Variants in C1GALT1 observed in about 807,000 individuals in gnomAD.
The protein encoded by C1GALT1 is glycoprotein-N-acetylgalactosamine 3-beta-galactosyltransferase 1.
Under a neutral mutation model 31.0 loss-of-function variants are expected in C1GALT1, and 11 were observed. That is an observed-to-expected ratio of 0.36 (90% CI 0.22 to 0.59). The LOEUF (loss-of-function observed/expected upper bound fraction) is 0.59. Ranked by LOEUF, C1GALT1 falls within the 20% of genes least tolerant of loss-of-function variation. C1GALT1 has a pLI of 0.79. For missense variants in C1GALT1, 424 were observed against 425.2 expected (o/e 1.00, Z 0.03); for synonymous variants, 175 against 143.6 (o/e 1.22, Z -1.56).
intron 1 of C1GALT1, among the ~76,000 whole-genome samples, chr7:7,187,420 C>CT (rs11402803): frequency 0.16 from 23,925 of 145,646 alleles, 2,154 homozygotes; most frequent in East Asian, 0.37. Flanking sequence ...CAGCTAATTT[C>CT]TTTTTTTTTT....
chr7:7,193,082 A>C (rs1446369288), intron 1 of C1GALT1, among the ~76,000 whole-genome samples: 2 of 152,044 alleles, frequency 1.3e-5, no homozygotes, highest in Non-Finnish European at 2.9e-5. Context: ...ATAGTTTACC[A>C]AGATTTTCTC....
At chr7:7,182,162 A>G (rs1780609100), upstream of C1GALT1, among the ~76,000 whole-genome samples, 1 of 152,150 alleles carries the variant, frequency 6.6e-6, no homozygotes, top group African/African-American at 2.4e-5. Flanking sequence ...GAGAACAGAA[A>G]AACAAATGAA....
intron 1 of C1GALT1, among the ~76,000 whole-genome samples, chr7:7,222,906 T>TTTTG (rs559082748): frequency 1.1e-5 from 1 of 95,192 alleles, no homozygotes; most frequent in African/African-American, 7.2e-5. Context: ...GTGAGTTTTT[T>TTTTG]TTTGGTTTTA....
chr7:7,194,507 C>T (rs768673861), intron 1 of C1GALT1, among the ~76,000 whole-genome samples: 6 of 151,756 alleles, frequency 4.0e-5, no homozygotes, highest in East Asian at 3.9e-4. Context: ...CATCCCTGCA[C>T]GCCTGGCATG....
intron 2 of C1GALT1, among the ~76,000 whole-genome samples, chr7:7,236,890 G>GTA (rs1301830517): frequency 1.3e-5 from 2 of 152,134 alleles, no homozygotes; most frequent in African/African-American, 2.4e-5. Flanking sequence ...TGGTTAACTA[G>GTA]TATATTATAT....
intron 1 of C1GALT1, among the ~76,000 whole-genome samples, chr7:7,201,345 A>G (rs1053290938): frequency 6.6e-5 from 10 of 152,130 alleles, no homozygotes; most frequent in Non-Finnish European, 1.3e-4. Context: ...AGATGTTGCT[A>G]CCCGATCTTT....
chr7:7,242,228 T>TA (rs1491132181), intron 3 of C1GALT1, among the ~76,000 whole-genome samples: 117 of 141,264 alleles, frequency 8.3e-4, no homozygotes, highest in South Asian at 1.7e-3. Context: ...TTTTTTTTTT[T>TA]ACATTTTTTA....
intron 1 of C1GALT1, among the ~76,000 whole-genome samples, chr7:7,216,061 G>A (rs1782225585): frequency 6.6e-6 from 1 of 151,874 alleles, no homozygotes; most frequent in Middle Eastern, 3.2e-3. Flanking sequence ...ATCTTACAAC[G>A]CTTGCAGAGG....
intron 1 of C1GALT1, among the ~76,000 whole-genome samples, chr7:7,222,077 G>T (rs1782535282): frequency 6.6e-6 from 1 of 152,108 alleles, no homozygotes; most frequent in Non-Finnish European, 1.5e-5. Flanking sequence ...TCCCTACAAG[G>T]TTTTCCATAG....
intron 1 of C1GALT1, among the ~76,000 whole-genome samples, chr7:7,198,428 A>C (rs1379890096): frequency 6.6e-6 from 1 of 152,196 alleles, no homozygotes; most frequent in African/African-American, 2.4e-5. Flanking sequence ...TGCTGGATTC[A>C]GTTTGGCAGT....
At chr7:7,192,656 C>T (rs1476959190) in intron 1 of C1GALT1, among the ~76,000 whole-genome samples, 1 of 151,806 alleles carries the variant, frequency 6.6e-6, no homozygotes, top group Non-Finnish European at 1.5e-5. Flanking sequence ...TTCTTTTTCT[C>T]TGGGTAGATA....
At chr7:7,217,823 A>T (rs1448714649) in intron 1 of C1GALT1, among the ~76,000 whole-genome samples, 1 of 152,170 alleles carries the variant, frequency 6.6e-6, no homozygotes, top group African/African-American at 2.4e-5. Flanking sequence ...GGCATGAGCC[A>T]CTATGCCTGG....
At chr7:7,237,761 C>G (rs1783431761) in intron 2 of C1GALT1, among the ~76,000 whole-genome samples, 1 of 152,188 alleles carries the variant, frequency 6.6e-6, no homozygotes, top group African/African-American at 2.4e-5. Flanking sequence ...AGCAGCATGT[C>G]TTTCCTGCTC....
chr7:7,185,976 G>A (rs1780796225), intron 1 of C1GALT1, among the ~76,000 whole-genome samples: 1 of 152,094 alleles, frequency 6.6e-6, no homozygotes, highest in African/African-American at 2.4e-5. Context: ...TCTGAAACTG[G>A]ATAATCTATA....
intron 1 of C1GALT1, among the ~76,000 whole-genome samples, chr7:7,226,859 C>G (rs568716345): frequency 1.4e-4 from 21 of 152,118 alleles, no homozygotes; most frequent in Non-Finnish European, 2.9e-4. Context: ...ATAATGTAAA[C>G]TATGTACATT....
chr7:7,182,208 G>A (rs1780610790), upstream of C1GALT1, among the ~76,000 whole-genome samples: 1 of 152,146 alleles, frequency 6.6e-6, no homozygotes, highest in Non-Finnish European at 1.5e-5. Context: ...CAAGAGTCCT[G>A]CAGGGTTAGA....
chr7:7,211,522 ACT>A lies in C1GALT1; in HGVS notation c.-17-22778_-17-22777del, dbSNP rs377644263. ...TAAGCAAAATACAACAGCAATGGAA[ACT>A]CTGTCCAATATTTCAGTTAGAAGGT... On this transcript the variant is annotated intron_variant, in intron 1 of 3. Coordinates refer to ENST00000436587, the MANE Select transcript of C1GALT1 (RefSeq NM_020156.5). Among the ~76,000 whole-genome samples, 31 of 152,256 alleles carry A rather than the reference ACT, an allele frequency of 2.0e-4. No individual in the cohort carries two copies. The East Asian group carries it at 5.0e-3, about 25-fold the overall frequency.
At chr7:7,227,613 G>A (rs1430972717) in intron 1 of C1GALT1, among the ~76,000 whole-genome samples, 1 of 151,226 alleles carries the variant, frequency 6.6e-6, no homozygotes, top group Non-Finnish European at 1.5e-5. Context: ...CCAGCTACTT[G>A]GGAGGCTGAG....
intron 1 of C1GALT1, among the ~76,000 whole-genome samples, chr7:7,223,191 C>T (rs534392022): frequency 1.3e-5 from 2 of 152,126 alleles, no homozygotes; most frequent in African/African-American, 2.4e-5. Context: ...TGGAGTCTTG[C>T]TCTGTCACCC....
Sources: allele counts gnomAD v4.1 joint callset (sites outside exome capture counted in the v4.1 genomes callset), GRCh38; gene constraint gnomAD v4.1.1; transcripts MANE v1.5; gene names NCBI Gene and HGNC (gene_info 2026-07-23, HGNC 2026-07-21).